Variants in THNSL2 observed in about 807,000 individuals in gnomAD.
THNSL2 encodes threonine synthase-like 2.
Under a neutral mutation model 40.0 loss-of-function variants are expected in THNSL2, and 34 were observed. The observed-to-expected ratio is 0.85, with a 90% CI of 0.65 to 1.13. The LOEUF (loss-of-function observed/expected upper bound fraction) is 1.13, where lower values mean the gene tolerates loss of function less well. Ranked by LOEUF, THNSL2 falls within the 50% of genes most tolerant of loss-of-function variation. THNSL2 has a pLI of 0.00. For missense variants in THNSL2, 537 were observed against 608.8 expected (o/e 0.88, Z 1.24); for synonymous variants, 241 against 247.5 (o/e 0.97, Z 0.25).
At position 88,173,174 on chromosome 2, in the gene THNSL2, C is replaced by T. The variant is rs367785526; in HGVS notation, c.24C>T (p.Gly8=). Residue 8 remains glycine (G), a synonymous_variant, in exon 2 of 9, where the codon GGC becomes GGT. Coordinates refer to ENST00000674334, the MANE Select transcript of THNSL2 (RefSeq NM_018271.5). The stretch of plus-strand genomic sequence containing the variant: ...TCATGTGGTATGTCAGCACCAGGGG[C>T]GTAGCCCCACGGGTCAACTTTGAGG... MWYVSTR[G]VAPRVNFEGA... The T allele has an allele frequency of 1.4e-5, 23 of 1,586,674 alleles. 1 individual carries two copies. The highest frequency in any genetic ancestry group is 4.6e-4 in the Middle Eastern group (2 of 4,314).
intron 5 of THNSL2, among the ~76,000 whole-genome samples, chr2:88,179,384 G>A (rs1677293369): frequency 6.6e-6 from 1 of 152,224 alleles, no homozygotes; most frequent in Non-Finnish European, 1.5e-5. Context: ...TACCCAATGT[G>A]AGGGCAAGCG....
chr2:88,175,714 C>A, intron 4 of THNSL2: 1 of 284,806 alleles, frequency 3.5e-6, no homozygotes, highest in Non-Finnish European at 6.6e-6. Context: ...TGTCAGCAAC[C>A]ATGCAGAGTC....
chr2:88,185,465 C>T lies in THNSL2; in HGVS notation c.1215C>T (p.Asp405=), dbSNP rs751231175. Residue 405 remains aspartate, a synonymous_variant, in exon 8 of 9, where the codon GAC becomes GAT. Coordinates refer to ENST00000674334, the MANE Select transcript of THNSL2 (RefSeq NM_018271.5). The part of the protein sequence containing the change: ...VAVNYHYQQI[D]RQQPSTPRCC... ...TGAACTACCATTACCAGCAGATAGACAGGCAGCAGCCCAGGTACAGGCAAT... is the reference window on the plus strand; with the variant it reads ...TGAACTACCATTACCAGCAGATAGATAGGCAGCAGCCCAGGTACAGGCAAT... The T allele has an allele frequency of 1.9e-6, 3 of 1,609,904 alleles. No individual in the cohort carries two copies. The highest frequency in any genetic ancestry group is 2.2e-5 in the South Asian group (2 of 90,344).
chr2:88,185,287 C>T (rs1016161856), intron 7 of THNSL2, 41 bp from the exon 8 acceptor site: 2 of 1,489,724 alleles, frequency 1.3e-6, no homozygotes, highest in African/African-American at 1.4e-5. Context: ...TTCCCTACAT[C>T]CCCCCCCCAC....
intron 7 of THNSL2, among the ~76,000 whole-genome samples, chr2:88,184,232 T>G (rs1558899760): frequency 6.6e-6 from 1 of 152,140 alleles, no homozygotes; most frequent in Non-Finnish European, 1.5e-5. Context: ...ACATTCACAT[T>G]CTTTCTCCTC....
rs552364673 is a variant in THNSL2, at chr2:88,186,357, C to A, written c.*234C>A. On this transcript the variant is annotated 3_prime_UTR_variant, in exon 9 of 9. Transcript: ENST00000674334. ...GGAAGCACCCCCTCCCTCCCCGGCC[C>A]GTGCAGCAGTGTCTGAGCTGTAGTG... The A allele has an allele frequency of 1.8e-6, 1 of 559,978 alleles. No homozygotes were observed. Among genetic ancestry groups the A allele is most frequent in the Non-Finnish European group, 3.2e-6 (1 of 311,904 alleles). The allele number at this position is 559,978 out of a possible 1,614,324, so 34.7% of individuals were successfully genotyped here.
At chr2:88,183,772 C>T (rs1677959199) in intron 7 of THNSL2, 1 of 135,210 alleles carries the variant, frequency 7.4e-6, no homozygotes, top group African/African-American at 2.8e-5. Context: ...GGTGATGGTA[C>T]TTATTCTGTG....
intron 8 of THNSL2, 132 bp downstream of exon 8, chr2:88,185,611 C>T (rs1418773422): frequency 1.9e-6 from 3 of 1,551,396 alleles, no homozygotes; most frequent in Non-Finnish European, 2.6e-6. Context: ...CTGTGTGGAA[C>T]TGTGCCTTGG....
At chr2:88,183,111 G>C in intron 7 of THNSL2, 38 bp downstream of exon 7, 1 of 1,596,502 alleles carries the variant, frequency 6.3e-7, no homozygotes, top group African/African-American at 1.3e-5. Flanking sequence ...AAAGGAAAGG[G>C]TACAGCCACA....
chr2:88,181,958 CT>C (rs965080021), intron 5 of THNSL2, among the ~76,000 whole-genome samples: 1 of 152,064 alleles, frequency 6.6e-6, no homozygotes, highest in African/African-American at 2.4e-5. Context: ...TATATCAGTA[CT>C]TTTTCGATTG....
chr2:88,171,672 G>T, intron 1 of THNSL2: 1 of 180,204 alleles, frequency 5.5e-6, no homozygotes, highest in Non-Finnish European at 1.2e-5. Context: ...CCTGCCCCCC[G>T]ACCCTGGTTC....
intron 4 of THNSL2, chr2:88,176,895 CTTG>C (rs1160662071): frequency 1.3e-5 from 2 of 152,180 alleles, no homozygotes; most frequent in Non-Finnish European, 2.9e-5. Flanking sequence ...CCTGAGGGTC[CTTG>C]TTGTACCCTA....
chr2:88,175,508 C>T, intron 4 of THNSL2, 107 bp downstream of exon 4: 1 of 1,399,830 alleles, frequency 7.1e-7, no homozygotes, highest in Non-Finnish European at 9.8e-7. Context: ...GCTGACTGTC[C>T]TCCTTTCATC....
intron 4 of THNSL2, chr2:88,177,089 G>A (rs1291908927): frequency 6.6e-6 from 1 of 152,226 alleles, no homozygotes; most frequent in African/African-American, 2.4e-5. Context: ...CAGTTGTAAA[G>A]TAATGGCAGA....
At chr2:88,176,623 G>T (rs1169063249) in intron 4 of THNSL2, 1 of 152,234 alleles carries the variant, frequency 6.6e-6, no homozygotes, top group Admixed American at 6.5e-5. Context: ...TATAACATCA[G>T]CTTTGACAAG....
Position 88,175,569 on chromosome 2 carries a change from C to T in THNSL2, c.571+168C>T, listed in dbSNP as rs1676838197. 1.2e-5 allele frequency: 9 copies of T among 748,140 alleles called. No individual in the cohort carries two copies. The South Asian group carries it at 1.7e-4, about 14-fold the overall frequency. The allele number at this position is 748,140 out of a possible 1,614,324, so 46.3% of individuals were successfully genotyped here. On this transcript the variant is annotated intron_variant, in intron 4 of 8. Transcript: ENST00000674334. ...CCTTGGCTCAGCTCTGGGCAGGGTT[C>T]TGGCTACACAGTAAACTATTGGAGG...
Position 88,186,028 on chromosome 2 carries a change from A to G in THNSL2, c.1360A>G (p.Met454Val). Residue 454 changes from methionine to valine, a missense_variant, in exon 9 of 9, where the codon ATG (methionine) becomes GTG (valine). Physicochemically the swap from Met to Val is conservative, Grantham distance 21. Coordinates refer to ENST00000674334, the MANE Select transcript of THNSL2 (RefSeq NM_018271.5). ...LEHKETRCTL[M>V]RRGDNWMLML... is the part of the protein sequence containing the mutation. ...GCACAAGGAGACACGCTGCACCCTG[A>G]TGCGGAGAGGTGACAACTGGATGCT... is the stretch of plus-strand genomic sequence containing the variant. 6.2e-7 allele frequency: 1 copy of G among 1,605,246 alleles called. No homozygotes were observed. The highest frequency in any genetic ancestry group is 1.1e-5 in the South Asian group (1 of 88,936).
At chr2:88,174,541 TAG>T in intron 2 of THNSL2, 96 bp from the exon 3 acceptor site, 5 of 1,335,858 alleles carry the variant, frequency 3.7e-6, no homozygotes, top group Admixed American at 4.7e-5. Flanking sequence ...TTTGGCCTTT[TAG>T]TAGCAGGAGT....
rs1270651769 is a variant in THNSL2 at position 88,185,405 on chromosome 2, C to A, written c.1155C>A (p.Asn385Lys). The A allele has an allele frequency of 1.9e-6, 3 of 1,614,074 alleles. No homozygotes were observed. Among genetic ancestry groups the A allele is most frequent in the South Asian group, 2.2e-5 (2 of 91,072 alleles). Residue 385 changes from asparagine (N) to lysine (K), a missense_variant, in exon 8 of 9, where the codon AAC becomes AAA. Coordinates refer to ENST00000674334, the MANE Select transcript of THNSL2 (RefSeq NM_018271.5). ...CCATGGGCCGCTGCTGGGATGAGAACCAGTACTTGCTGTGCCCCCACTCAG... is the reference window on the plus strand; with the variant it reads ...CCATGGGCCGCTGCTGGGATGAGAAACAGTACTTGCTGTGCCCCCACTCAG... ...TQTMGRCWDE[N>K]QYLLCPHSAV... is the part of the protein sequence containing the mutation.
Sources: allele counts gnomAD v4.1 joint callset (sites outside exome capture counted in the v4.1 genomes callset), GRCh38; gene constraint gnomAD v4.1.1; transcripts MANE v1.5; gene names NCBI Gene and HGNC (gene_info 2026-07-23, HGNC 2026-07-21).